DNAJA1: variants seen among roughly 807,000 people sequenced by gnomAD.
DNAJA1 encodes the protein dnaJ homolog subfamily A member 1.
In DNAJA1, 26 loss-of-function variants were observed where a neutral mutation model predicts 47.6. That is an observed-to-expected ratio of 0.55 (90% confidence interval 0.40 to 0.76). The LOEUF is 0.76. Ranked by LOEUF, DNAJA1 falls within the 30% of genes least tolerant of loss-of-function variation. The probability of loss-of-function intolerance (pLI) is 0.00; values close to 1 mark genes in which losing one functional copy is unlikely to be tolerated. For missense variants in DNAJA1, 315 were observed against 485.0 expected (o/e 0.65, Z 3.29); for synonymous variants, 165 against 158.4 (o/e 1.04, Z -0.31).
At chr9:33,033,742 A>G (rs569176171) in intron 5 of DNAJA1, among the ~76,000 whole-genome samples, 3 of 152,340 alleles carry the variant, frequency 2.0e-5, no homozygotes, top group Admixed American at 6.5e-5. Context: ...AAATACTACA[A>G]TAGAAGGGTC....
intron 5 of DNAJA1, 81 bp downstream of exon 5, chr9:33,030,748 ATTCT>A (rs1177255718): frequency 6.7e-5 from 81 of 1,205,108 alleles, no homozygotes; most frequent in African/African-American, 4.4e-4. Flanking sequence ...TTTAAAAATC[ATTCT>A]TAATTAGGTT....
intron 4 of DNAJA1, 148 bp downstream of exon 4, chr9:33,030,137 A>G: frequency 1.3e-6 from 1 of 775,554 alleles, no homozygotes. Context: ...AGATATGAAG[A>G]AAACCAACTG....
At chr9:33,029,382 T>G (rs1364657338) in intron 3 of DNAJA1, among the ~76,000 whole-genome samples, 1 of 152,220 alleles carries the variant, frequency 6.6e-6, no homozygotes, top group Non-Finnish European at 1.5e-5. Flanking sequence ...AAGTAGAAAT[T>G]GATACTCTTC....
intron 8 of DNAJA1, 41 bp downstream of exon 8, chr9:33,037,156 G>T: frequency 1.3e-6 from 2 of 1,576,222 alleles, no homozygotes; most frequent in Non-Finnish European, 8.7e-7. Context: ...AGAACAATTG[G>T]CTTACTAAAA....
At chr9:33,027,698 G>A (rs1220355284) in intron 3 of DNAJA1, among the ~76,000 whole-genome samples, 1 of 152,058 alleles carries the variant, frequency 6.6e-6, no homozygotes, top group East Asian at 1.9e-4. Context: ...CAAAACTACA[G>A]AATTAGCTGG....
At chr9:33,026,021 T>C (rs1838830079) in intron 1 of DNAJA1, among the ~76,000 whole-genome samples, 1 of 152,164 alleles carries the variant, frequency 6.6e-6, no homozygotes, top group East Asian at 1.9e-4. Context: ...AGTAACCTGT[T>C]CTATAAACCA....
chr9:33,036,814 T>C, intron 7 of DNAJA1, 125 bp downstream of exon 7: 1 of 802,910 alleles, frequency 1.2e-6, no homozygotes, highest in Non-Finnish European at 2.0e-6. Flanking sequence ...TTACATATCC[T>C]TCTCTGGGCT....
Position 33,030,093 on chromosome 9 carries a change from T to C in DNAJA1, c.415+104T>C, listed in dbSNP as rs1033932855. The C allele has an allele frequency of 8.2e-6, 9 of 1,094,706 alleles. No homozygotes were observed. In the Admixed American group the frequency reaches 1.8e-4, roughly 22 times the overall value. 67.8% of individuals were successfully genotyped at this position (1,094,706 alleles called of 1,614,324 possible). On this transcript the variant is annotated intron_variant, in intron 4 of 8. Coordinates refer to ENST00000330899, the MANE Select transcript of DNAJA1 (RefSeq NM_001539.4). ...TAGATAGATATGTAAAATTGATTCA[T>C]GTACACTACCTAGATTTTGGGGGAG...
chr9:33,028,025 CAAAAAAAAAAA>C lies in DNAJA1; in HGVS notation c.310+1050_310+1060del, dbSNP rs144327341. 1.4e-4 allele frequency among the ~76,000 whole-genome samples: 11 copies of C among 77,932 alleles called. No individual in the cohort carries two copies. In the East Asian group the frequency reaches 2.5e-3, roughly 18 times the overall value. The allele number at this position is 77,932 out of a possible 152,430, so 51.1% of individuals were successfully genotyped here. A position where few individuals can be genotyped will look rare whatever the true frequency, so the allele number is the denominator to read the frequency against. On this transcript the variant is annotated intron_variant, in intron 3 of 8. Coordinates refer to ENST00000330899, the MANE Select transcript of DNAJA1 (RefSeq NM_001539.4). ...GAGCAACACAGCGAGACTCTTGTCT[CAAAAAAAAAAA>C]AAAAAAAAAAAAAAGACAAAGTATA... is the stretch of plus-strand genomic sequence containing the variant.
chr9:33,027,911 T>A (rs1026045332), intron 3 of DNAJA1, among the ~76,000 whole-genome samples: 19 of 150,878 alleles, frequency 1.3e-4, no homozygotes, highest in Admixed American at 1.3e-3. Flanking sequence ...GTAATCCCAG[T>A]TACTCAGGAG....
intron 5 of DNAJA1, among the ~76,000 whole-genome samples, chr9:33,030,905 T>C (rs1307847372): frequency 6.6e-6 from 1 of 152,232 alleles, no homozygotes; most frequent in African/African-American, 2.4e-5. Flanking sequence ...GGATCATCTT[T>C]TGAAATCTGT....
At position 33,039,561 on chromosome 9, in the gene DNAJA1, A is replaced by ATATATATATAT. The variant is rs74178844; in HGVS notation, c.*658_*659insTATATATATAT. On this transcript the variant is annotated 3_prime_UTR_variant, in exon 9 of 9. Transcript: ENST00000330899. ...CATATATATATACATATATATATAT[A>ATATATATATAT]ATCTTGACCAGTCCTGGTCATTTGC... 1.8e-4 allele frequency: 26 copies of ATATATATATAT among 141,898 alleles called. No individual in the cohort carries two copies. Among genetic ancestry groups the ATATATATATAT allele is most frequent in the South Asian group, 6.5e-4 (3 of 4,646 alleles). 8.8% of individuals were successfully genotyped at this position (141,898 alleles called of 1,614,324 possible). A position where few individuals can be genotyped will look rare whatever the true frequency, so the allele number is the denominator to read the frequency against.
intron 8 of DNAJA1, 79 bp downstream of exon 8, chr9:33,037,194 G>C: frequency 2.4e-6 from 3 of 1,241,524 alleles, no homozygotes; most frequent in Non-Finnish European, 2.3e-6. Context: ...ATTTCAGCCA[G>C]GTGCAAGTAG....
chr9:33,034,135 C>A (rs979797104), intron 5 of DNAJA1, 81 bp from the exon 6 acceptor site: 3 of 967,496 alleles, frequency 3.1e-6, no homozygotes, highest in Admixed American at 3.4e-5. Context: ...TATGCATAAA[C>A]AAACATCTAT....
intron 1 of DNAJA1, among the ~76,000 whole-genome samples, chr9:33,025,653 G>T (rs1333509228): frequency 6.6e-6 from 1 of 151,272 alleles, no homozygotes; most frequent in African/African-American, 2.4e-5. Context: ...CTGCCCCTCC[G>T]TGCGCGCCCC....
intron 6 of DNAJA1, among the ~76,000 whole-genome samples, chr9:33,035,260 C>T (rs10971353): frequency 1.9e-4 from 29 of 151,406 alleles, no homozygotes; most frequent in Non-Finnish European, 3.7e-4. Context: ...GGTGGCAGGC[C>T]CTGAGGCAGG....
intron 6 of DNAJA1, 61 bp downstream of exon 6, chr9:33,034,391 TTTG>T: frequency 8.1e-7 from 1 of 1,240,668 alleles, no homozygotes. Context: ...GGTTTTGTTT[TTTG>T]TTTTTTTGTT....
Position 33,038,744 on chromosome 9 carries a change from C to T in DNAJA1, c.1035C>T (p.Leu345=), listed in dbSNP as rs1564015672. 6.2e-7 allele frequency: 1 copy of T among 1,614,110 alleles called. No homozygotes were observed. The highest frequency in any genetic ancestry group is 8.5e-7 in the Non-Finnish European group (1 of 1,180,008). ...SPDKLSLLEK[L]LPERKEVEET... Reference sequence around the variant, plus strand: ...ATAAACTGTCTTTGCTGGAAAAACTCCTACCCGAGAGGAAGGAAGTGGAAG... The same window carrying T: ...ATAAACTGTCTTTGCTGGAAAAACTTCTACCCGAGAGGAAGGAAGTGGAAG... The change falls in exon 9 of 9, where the codon CTC becomes CTT. Residue 345 remains leucine (L), a synonymous_variant. Coordinates refer to ENST00000330899, the MANE Select transcript of DNAJA1 (RefSeq NM_001539.4).
At chr9:33,026,699 T>C (rs1838866608) in intron 2 of DNAJA1, 83 bp downstream of exon 2, 1 of 1,564,992 alleles carries the variant, frequency 6.4e-7, no homozygotes, top group African/African-American at 1.4e-5. Flanking sequence ...AAATCGAGTA[T>C]CTAATATAGT....
Sources: gnomAD v4.1 joint callset for allele counts (sites outside exome capture counted in the v4.1 genomes callset) on GRCh38, gnomAD v4.1.1 for gene constraint, MANE v1.5 for transcripts, NCBI Gene and HGNC (gene_info 2026-07-23, HGNC 2026-07-21) for gene names.